The following TEX11 variants were observed in gnomAD, a reference collection of about 807,000 sequenced individuals.
The protein encoded by TEX11 is testis-expressed protein 11.
In TEX11, 7 loss-of-function variants were observed where a neutral mutation model predicts 84.4. The ratio of observed to expected loss-of-function variants is 0.08; its 90% CI spans 0.05 to 0.16. The LOEUF (loss-of-function observed/expected upper bound fraction) is 0.16, where lower values mean the gene tolerates loss of function less well. Ranked by LOEUF, TEX11 falls within the 10% of genes least tolerant of loss-of-function variation. The pLI, the probability that TEX11 is intolerant of heterozygous loss-of-function variation, is 1.00. For missense variants in TEX11, 551 were observed against 660.5 expected (o/e 0.83, Z 1.82); for synonymous variants, 264 against 222.8 (o/e 1.18, Z -1.64).
At chrX:70,681,795 C>T (rs1042105449) in intron 14 of TEX11, among the ~76,000 whole-genome samples, 1 of 111,225 alleles carries the variant, frequency 9.0e-6, no homozygotes, top group Non-Finnish European at 1.9e-5. Flanking sequence ...AAAACTGGGT[C>T]TAAAAATAAT....
chrX:70,527,443 A>C (rs953844981), downstream of TEX11, among the ~76,000 whole-genome samples: 4 of 111,813 alleles, frequency 3.6e-5, no homozygotes, highest in African/African-American at 1.3e-4. Flanking sequence ...AAACATCAGA[A>C]TCACCTAAAT....
chrX:70,610,655 G>T, intron 20 of TEX11, 112 bp from the exon 21 acceptor site: 1 of 768,127 alleles, frequency 1.3e-6, no homozygotes, highest in Non-Finnish European at 1.9e-6. Flanking sequence ...ATGCAAAATT[G>T]TGAAGTTTTT....
chrX:70,869,824 G>A (rs767407171), intron 4 of TEX11, among the ~76,000 whole-genome samples: 9 of 111,148 alleles, frequency 8.1e-5, no homozygotes, highest in Non-Finnish European at 1.3e-4. Context: ...TGGTCCTTGT[G>A]TGGGAAATAT....
chrX:70,785,817 C>G (rs1296907136), intron 9 of TEX11, among the ~76,000 whole-genome samples: 1 of 111,919 alleles, frequency 8.9e-6, no homozygotes, highest in Non-Finnish European at 1.9e-5. Flanking sequence ...AGTCAGGAAA[C>G]AACAGGTGCT....
In TEX11 at chrX:70,598,286, T is replaced by A. The variant is rs761288317; in HGVS notation, c.2068-6463A>T. 8.0e-5 allele frequency among the ~76,000 whole-genome samples: 9 copies of A among 112,335 alleles called. No homozygotes were observed. The East Asian group carries it at 2.5e-3, about 31-fold the overall frequency. On this transcript the variant is annotated intron_variant, in intron 24 of 29. Transcript: ENST00000374333. Reference sequence around the variant, plus strand: ...AGATTCTCAACATCATTAGTCATAATGGAAATGCACATCAAAACCACAATG... The same window carrying A: ...AGATTCTCAACATCATTAGTCATAAAGGAAATGCACATCAAAACCACAATG...
At chrX:70,760,124 C>T (rs1374390531) in intron 9 of TEX11, among the ~76,000 whole-genome samples, 1 of 111,762 alleles carries the variant, frequency 8.9e-6, no homozygotes, top group Non-Finnish European at 1.9e-5. Flanking sequence ...AGGACACAAA[C>T]AAATGGAAGA....
At chrX:70,542,771 A>G (rs1159098955) in intron 28 of TEX11, among the ~76,000 whole-genome samples, 1 of 112,491 alleles carries the variant, frequency 8.9e-6, no homozygotes, top group Non-Finnish European at 1.9e-5. Flanking sequence ...TAAAAAAGTC[A>G]GTCAAACAAA....
At chrX:70,579,691 G>C (rs1201214176) in intron 25 of TEX11, among the ~76,000 whole-genome samples, 1 of 111,656 alleles carries the variant, frequency 9.0e-6, no homozygotes, top group Non-Finnish European at 1.9e-5. Flanking sequence ...CAAAGGATCT[G>C]AATAGACATT....
At chrX:70,685,256 C>T (rs965024680) in intron 13 of TEX11, among the ~76,000 whole-genome samples, 1 of 111,376 alleles carries the variant, frequency 9.0e-6, no homozygotes, top group Non-Finnish European at 1.9e-5. Context: ...TCCAGCTATG[C>T]GGGGAGGGCT....
intron 7 of TEX11, among the ~76,000 whole-genome samples, chrX:70,843,978 T>A (rs1044150124): frequency 5.4e-5 from 6 of 110,956 alleles, no homozygotes; most frequent in Non-Finnish European, 9.4e-5. Flanking sequence ...CTGGAGAGGA[T>A]GTGGAGAAAT....
At position 70,578,487 on chromosome X, in the gene TEX11, G is replaced by C. The variant is rs186790808; in HGVS notation, c.2140+13264C>G. Among the ~76,000 whole-genome samples the C allele has an allele frequency of 3.6e-3, 405 of 111,621 alleles. 2 individuals carry two copies. Among genetic ancestry groups the C allele is most frequent in the Non-Finnish European group, 6.6e-3 (351 of 53,155 alleles). On this transcript the variant is annotated intron_variant, in intron 25 of 29. Coordinates refer to ENST00000374333, the MANE Select transcript of TEX11 (RefSeq NM_031276.3). ...AGGGAAGGTGAACACTGTAATATCT[G>C]GACTGGCATATTTCTGTGTTTACTC... is the stretch of plus-strand genomic sequence containing the variant.
rs758576049 is a variant in TEX11 at position 70,635,035 on chromosome X, A to T, written c.1484-5300T>A. 3.6e-5 allele frequency among the ~76,000 whole-genome samples: 4 copies of T among 112,497 alleles called. No individual in the cohort carries two copies. In the South Asian group the frequency reaches 1.5e-3, roughly 42 times the overall value. On this transcript the variant is annotated intron_variant, in intron 17 of 29. Coordinates refer to ENST00000374333, the MANE Select transcript of TEX11 (RefSeq NM_031276.3). ...CTGAACATCAACAAGATGGTGGAAT[A>T]GGACTTTCCAGCGCTCATTCCCCAC...
chrX:70,535,641 G>A (rs1168141950), intron 28 of TEX11, among the ~76,000 whole-genome samples: 2 of 110,532 alleles, frequency 1.8e-5, no homozygotes, highest in African/African-American at 6.6e-5. Context: ...TCAGCTACTT[G>A]GGAGGCTGAG....
intron 2 of TEX11, among the ~76,000 whole-genome samples, chrX:70,892,881 A>G (rs1217751006): frequency 9.5e-6 from 1 of 105,611 alleles, no homozygotes; most frequent in Non-Finnish European, 1.9e-5. Context: ...AATGGAAAGC[A>G]AAAAAAAAGC....
Position 70,722,600 on chromosome X carries a change from G to A in TEX11, c.1004+18C>T. ...CAAAAACTGTCAGTCTTTAGAGAAA[G>A]GGAAATCAATTCTGTACCTTTCATG... On this transcript the variant is annotated intron_variant, in intron 13 of 29. Coordinates refer to ENST00000374333, the MANE Select transcript of TEX11 (RefSeq NM_031276.3). The A allele has an allele frequency of 1.7e-6, 2 of 1,187,962 alleles. No homozygotes were observed. The highest frequency in any genetic ancestry group is 3.6e-5 in the South Asian group (2 of 55,038).
chrX:70,641,979 A>G (rs934747857), intron 17 of TEX11, among the ~76,000 whole-genome samples: 1 of 110,916 alleles, frequency 9.0e-6, no homozygotes, highest in African/African-American at 3.3e-5. Flanking sequence ...TGAATCCAGG[A>G]GCTGGTTTTT....
chrX:70,702,352 G>A, intron 13 of TEX11, among the ~76,000 whole-genome samples: 1 of 111,550 alleles, frequency 9.0e-6, no homozygotes, highest in Non-Finnish European at 1.9e-5. Context: ...TGAAGGCTCA[G>A]ATTATTATTT....
chrX:70,837,169 T>C (rs1380738255), intron 7 of TEX11, among the ~76,000 whole-genome samples: 2 of 112,351 alleles, frequency 1.8e-5, no homozygotes, highest in African/African-American at 6.5e-5. Context: ...CCAACTTATT[T>C]ACAATAGCCA....
At chrX:70,553,244 A>G in intron 27 of TEX11, 62 bp downstream of exon 27, 3 of 727,901 alleles carry the variant, frequency 4.1e-6, no homozygotes, top group Non-Finnish European at 6.1e-6. Flanking sequence ...ACGATTGGTT[A>G]CTTTTGAGGC....
Sources: gnomAD v4.1 joint callset for allele counts (sites outside exome capture counted in the v4.1 genomes callset) on GRCh38, gnomAD v4.1.1 for gene constraint, MANE v1.5 for transcripts, NCBI Gene and HGNC (gene_info 2026-07-23, HGNC 2026-07-21) for gene names.